CACNG2: variants seen among roughly 807,000 people sequenced by gnomAD.
CACNG2 encodes the protein voltage-dependent calcium channel gamma-2 subunit.
In CACNG2, 3 loss-of-function variants were observed where a neutral mutation model predicts 25.9. The observed-to-expected ratio is 0.12, with a 90% CI of 0.05 to 0.30. The LOEUF (loss-of-function observed/expected upper bound fraction) is 0.30, where lower values mean the gene tolerates loss of function less well. CACNG2 is among the 10% of genes least tolerant of loss of function. CACNG2 has a pLI of 1.00. For synonymous variants in CACNG2, 167 were observed against 173.3 expected (o/e 0.96, Z 0.29); for missense variants, 341 against 432.5 (o/e 0.79, Z 1.88).
At chr22:36,677,286 T>A (rs1937033018) in intron 1 of CACNG2, among the ~76,000 whole-genome samples, 1 of 152,204 alleles carries the variant, frequency 6.6e-6, no homozygotes, top group African/African-American at 2.4e-5. Context: ...TTATTTGATC[T>A]GAAAGTATAT....
chr22:36,629,554 G>C (rs1293939723), intron 1 of CACNG2, among the ~76,000 whole-genome samples: 3 of 152,012 alleles, frequency 2.0e-5, no homozygotes, highest in African/African-American at 7.3e-5. Flanking sequence ...GAGAGAGAGA[G>C]AGAGAGCAGA....
At position 36,564,612 on chromosome 22, in the gene CACNG2, G is replaced by A; in HGVS notation, c.711C>T (p.Ser237=). The stretch of plus-strand genomic sequence containing the variant: ...GCTCCGTGGAGCGCGAGCTGGAGCG[G>A]CTGCGGCGCTGGTAGCGGTAGCGGT... ...PSYRYRYQRR[S]RSSSRSTEPS... Residue 237 remains serine, a synonymous_variant, in exon 4 of 4, where the codon AGC becomes AGT. Coordinates refer to ENST00000300105, the MANE Select transcript of CACNG2 (RefSeq NM_006078.5). This position sits in a 1 kb window ranked among gnomAD's most constrained non-coding sequence, Gnocchi z 6.7. 1 of 1,613,918 alleles carries A rather than the reference G, an allele frequency of 6.2e-7. No individual in the cohort carries two copies. Among genetic ancestry groups the A allele is most frequent in the Non-Finnish European group, 8.5e-7 (1 of 1,179,972 alleles).
At chr22:36,590,036 G>A (rs1382527901) in intron 1 of CACNG2, among the ~76,000 whole-genome samples, 1 of 152,192 alleles carries the variant, frequency 6.6e-6, no homozygotes, top group Non-Finnish European at 1.5e-5. Context: ...GAGCAGTACT[G>A]ACATGCCCTG....
intron 2 of CACNG2, among the ~76,000 whole-genome samples, chr22:36,577,081 C>T (rs914139387): frequency 1.3e-5 from 2 of 152,092 alleles, no homozygotes; most frequent in Non-Finnish European, 2.9e-5. Flanking sequence ...CCTGGTCCCC[C>T]GGGGGCCTCT....
intron 1 of CACNG2, among the ~76,000 whole-genome samples, chr22:36,673,407 C>A (rs1936980622): frequency 6.6e-6 from 1 of 152,182 alleles, no homozygotes; most frequent in Admixed American, 6.5e-5. Context: ...ACTCTAATAA[C>A]ATCGGAACTA....
At chr22:36,642,244 G>A (rs1225791734) in intron 1 of CACNG2, among the ~76,000 whole-genome samples, 3 of 152,206 alleles carry the variant, frequency 2.0e-5, no homozygotes, top group Non-Finnish European at 2.9e-5. Flanking sequence ...TTCTCTGGCC[G>A]TGGCACATAG....
At chr22:36,662,801 A>G (rs887077733) in intron 1 of CACNG2, among the ~76,000 whole-genome samples, 7 of 151,932 alleles carry the variant, frequency 4.6e-5, no homozygotes, top group African/African-American at 1.7e-4. Context: ...ACAACTCATC[A>G]ACGTAGATGT....
intron 1 of CACNG2, among the ~76,000 whole-genome samples, chr22:36,647,589 T>C (rs571449453): frequency 8.1e-4 from 116 of 143,450 alleles, no homozygotes; most frequent in African/African-American, 3.4e-3. Context: ...GAGCAAAAAC[T>C]CCATATCAAA....
intron 1 of CACNG2, among the ~76,000 whole-genome samples, chr22:36,677,717 T>C (rs1181179524): frequency 2.0e-5 from 3 of 152,196 alleles, no homozygotes; most frequent in African/African-American, 7.2e-5. Flanking sequence ...CAGAGAAATA[T>C]ACACTGGCAT....
chr22:36,636,183 T>C (rs1020832226), intron 1 of CACNG2, among the ~76,000 whole-genome samples: 2 of 152,142 alleles, frequency 1.3e-5, no homozygotes, highest in Non-Finnish European at 2.9e-5. Context: ...GAGCCTTGCC[T>C]CTCTCTCCAT....
At chr22:36,663,038 T>TA (rs112291671) in intron 1 of CACNG2, among the ~76,000 whole-genome samples, 134 of 139,562 alleles carry the variant, frequency 9.6e-4, no homozygotes, top group South Asian at 1.5e-3. Context: ...TAATAAGAGT[T>TA]AAAAAAAAAA....
intron 1 of CACNG2, among the ~76,000 whole-genome samples, chr22:36,622,740 C>T (rs1168695421): frequency 6.6e-6 from 1 of 152,076 alleles, no homozygotes; most frequent in Non-Finnish European, 1.5e-5. Flanking sequence ...GGGCAGATCA[C>T]CTGAAGTCAG....
chr22:36,581,030 A>C (rs960551195), intron 2 of CACNG2, among the ~76,000 whole-genome samples: 1 of 152,144 alleles, frequency 6.6e-6, no homozygotes, highest in Non-Finnish European at 1.5e-5. Context: ...CACGCTTGAC[A>C]TTCAAGAGAA....
At chr22:36,636,868 C>G (rs900002091) in intron 1 of CACNG2, among the ~76,000 whole-genome samples, 4 of 152,344 alleles carry the variant, frequency 2.6e-5, no homozygotes, top group Middle Eastern at 3.4e-3. Flanking sequence ...AAATCTCAGG[C>G]CTTGCTTGTA....
intron 1 of CACNG2, among the ~76,000 whole-genome samples, chr22:36,618,232 G>C (rs964824386): frequency 3.3e-5 from 5 of 152,186 alleles, no homozygotes; most frequent in Non-Finnish European, 7.3e-5. Flanking sequence ...ATATGGCTGC[G>C]TCTTCATCTG....
chr22:36,631,864 C>T (rs767895774), intron 1 of CACNG2, among the ~76,000 whole-genome samples: 8 of 152,032 alleles, frequency 5.3e-5, no homozygotes, highest in Non-Finnish European at 1.2e-4. Context: ...GACATGGGCT[C>T]TCTGGCTAGG....
At chr22:36,568,357 T>C (rs945133003) in intron 2 of CACNG2, among the ~76,000 whole-genome samples, 4 of 152,136 alleles carry the variant, frequency 2.6e-5, no homozygotes, top group African/African-American at 9.7e-5. Context: ...GAAGAGAATT[T>C]CTCTATATAG....
chr22:36,696,643 AC>A (rs1257113937), intron 1 of CACNG2, among the ~76,000 whole-genome samples: 1 of 152,204 alleles, frequency 6.6e-6, no homozygotes, highest in Non-Finnish European at 1.5e-5. Context: ...GTGGTGAGAG[AC>A]AGACACCACA....
intron 1 of CACNG2, among the ~76,000 whole-genome samples, chr22:36,643,662 A>G (rs916380061): frequency 9.2e-5 from 14 of 152,204 alleles, no homozygotes; most frequent in African/African-American, 1.7e-4. Flanking sequence ...AGCATCTCAC[A>G]GTGTTGCTAA....
Sources: gnomAD v4.1 joint callset for allele counts (sites outside exome capture counted in the v4.1 genomes callset) on GRCh38, gnomAD v4.1.1 for gene constraint, Gnocchi (gnomAD v3.1) non-coding constraint, MANE v1.5 for transcripts, NCBI Gene and HGNC (gene_info 2026-07-23, HGNC 2026-07-21) for gene names.